The following OLA1 variants were observed in gnomAD, a reference collection of about 807,000 sequenced individuals.
OLA1 encodes obg-like ATPase 1.
In OLA1, 14 loss-of-function variants were observed where a neutral mutation model predicts 48.4. The observed-to-expected ratio is 0.29, with a 90% CI of 0.19 to 0.45. The LOEUF (loss-of-function observed/expected upper bound fraction) is 0.45, where lower values mean the gene tolerates loss of function less well. OLA1 is among the 20% of genes least tolerant of loss of function. The pLI is 1.00. For synonymous variants in OLA1, 127 were observed against 150.4 expected (o/e 0.84, Z 1.14); for missense variants, 325 against 467.1 (o/e 0.70, Z 2.80).
intron 4 of OLA1, among the ~76,000 whole-genome samples, chr2:174,150,890 G>A (rs750764425): frequency 9.9e-5 from 15 of 152,100 alleles, no homozygotes; most frequent in Non-Finnish European, 1.9e-4. Context: ...GTAGCAGCAA[G>A]GCCTTTAAAA....
At chr2:174,182,123 T>G (rs1574533640) in intron 4 of OLA1, among the ~76,000 whole-genome samples, 1 of 152,342 alleles carries the variant, frequency 6.6e-6, no homozygotes, top group Non-Finnish European at 1.5e-5. Context: ...GACCTAAATA[T>G]CCATCATTTA....
At chr2:174,190,400 CAT>C (rs1411153448) in intron 4 of OLA1, among the ~76,000 whole-genome samples, 2 of 152,090 alleles carry the variant, frequency 1.3e-5, no homozygotes, top group African/African-American at 4.8e-5. Context: ...CTCCATTTCA[CAT>C]ATGAGGAAAC....
chr2:174,150,815 C>A (rs1686727528), intron 4 of OLA1, among the ~76,000 whole-genome samples: 1 of 152,014 alleles, frequency 6.6e-6, no homozygotes, highest in Admixed American at 6.6e-5. Context: ...ACAAATTTAA[C>A]CTATTAAAAA....
intron 4 of OLA1, among the ~76,000 whole-genome samples, chr2:174,219,359 T>C (rs1303359121): frequency 6.6e-6 from 1 of 151,226 alleles, no homozygotes; most frequent in Non-Finnish European, 1.5e-5. Flanking sequence ...ATCAGTATCT[T>C]GGAAATATAG....
At chr2:174,151,277 T>C (rs1488544354) in intron 4 of OLA1, among the ~76,000 whole-genome samples, 2 of 152,114 alleles carry the variant, frequency 1.3e-5, no homozygotes, top group Non-Finnish European at 2.9e-5. Context: ...GAAAACAGGA[T>C]GAACAGTGCA....
chr2:174,095,807 T>C (rs886877919), intron 7 of OLA1, among the ~76,000 whole-genome samples: 1 of 152,046 alleles, frequency 6.6e-6, no homozygotes, highest in Non-Finnish European at 1.5e-5. Flanking sequence ...CCAGAATATA[T>C]AAAGAACTCT....
intron 7 of OLA1, among the ~76,000 whole-genome samples, chr2:174,100,125 T>TGTAGTA (rs1392006109): frequency 6.6e-6 from 1 of 152,168 alleles, no homozygotes; most frequent in Non-Finnish European, 1.5e-5. Context: ...GGGACCTGGA[T>TGTAGTA]CAATAATATG....
In OLA1 at chr2:174,173,335, C is replaced by T. The variant is rs370144937; in HGVS notation, c.374-31335G>A. Among the ~76,000 whole-genome samples the T allele has an allele frequency of 2.9e-5, 4 of 138,734 alleles. No homozygotes were observed. The South Asian group carries it at 9.8e-4, about 34-fold the overall frequency. The allele number at this position is 138,734 out of a possible 152,430, so 91.0% of individuals were successfully genotyped here. On this transcript the variant is annotated intron_variant, in intron 4 of 10. Coordinates refer to ENST00000284719, the MANE Select transcript of OLA1 (RefSeq NM_013341.5). ...GCTGAAGACCTTAAGTACTTGCTTT[C>T]GTCGAATGGTCAGATAACTAGAACT...
At chr2:174,212,695 A>T (rs1688270390) in intron 4 of OLA1, among the ~76,000 whole-genome samples, 1 of 151,968 alleles carries the variant, frequency 6.6e-6, no homozygotes, top group East Asian at 1.9e-4. Flanking sequence ...TTTAAATTTT[A>T]TTTTTATTTT....
intron 10 of OLA1, among the ~76,000 whole-genome samples, chr2:174,078,609 T>C (rs1192183060): frequency 6.6e-6 from 1 of 151,984 alleles, no homozygotes; most frequent in Admixed American, 6.6e-5. Context: ...GAAGTAATTA[T>C]AAGCATATAT....
rs1373667616 is a variant in OLA1, at chr2:174,229,293, T to C, written c.245+15A>G. On this transcript the variant is annotated intron_variant, in intron 3 of 10. Coordinates refer to ENST00000284719, the MANE Select transcript of OLA1 (RefSeq NM_013341.5). ...ACACAAAATCACCAAATAAATAGCA[T>C]AAAATATCTCTTACCTTGCTGGTTT... 1.9e-6 allele frequency: 3 copies of C among 1,610,280 alleles called. No homozygotes were observed. The highest frequency in any genetic ancestry group is 2.5e-6 in the Non-Finnish European group (3 of 1,179,036).
intron 4 of OLA1, among the ~76,000 whole-genome samples, chr2:174,179,557 T>G (rs1284792726): frequency 6.6e-6 from 1 of 151,988 alleles, no homozygotes; most frequent in African/African-American, 2.4e-5. Context: ...AGAAAAAGAC[T>G]CATGTGGGAT....
At chr2:174,246,903 AATTAAG>A in intron 1 of OLA1, 88 bp from the exon 2 acceptor site, 1 of 732,738 alleles carries the variant, frequency 1.4e-6, no homozygotes, top group Non-Finnish European at 2.3e-6. Flanking sequence ...TATATTATTG[AATTAAG>A]ATTAAGAACA....
chr2:174,118,234 T>C (rs1443084445), intron 7 of OLA1, among the ~76,000 whole-genome samples: 2 of 152,138 alleles, frequency 1.3e-5, no homozygotes, highest in African/African-American at 2.4e-5. Flanking sequence ...TAATTCAACA[T>C]GAGATTCGGG....
intron 4 of OLA1, among the ~76,000 whole-genome samples, chr2:174,211,450 C>T (rs528740332): frequency 6.6e-6 from 1 of 152,334 alleles, no homozygotes; most frequent in African/African-American, 2.4e-5. Context: ...TAACTCCATA[C>T]ATCACATCAT....
chr2:174,171,431 TA>T (rs902870526), intron 4 of OLA1, among the ~76,000 whole-genome samples: 1 of 152,058 alleles, frequency 6.6e-6, no homozygotes, highest in African/African-American at 2.4e-5. Context: ...CCCTATCTAT[TA>T]AAAAAAATTA....
chr2:174,247,451 T>C (rs909893352), intron 1 of OLA1, among the ~76,000 whole-genome samples: 2 of 152,190 alleles, frequency 1.3e-5, no homozygotes, highest in African/African-American at 4.8e-5. Context: ...CAATCTTCCA[T>C]CCAGACTGCT....
At chr2:174,133,216 T>A (rs1411911208) in intron 5 of OLA1, among the ~76,000 whole-genome samples, 1 of 152,208 alleles carries the variant, frequency 6.6e-6, no homozygotes, top group Non-Finnish European at 1.5e-5. Flanking sequence ...TTACAATGGT[T>A]CGTTCGATTT....
intron 7 of OLA1, among the ~76,000 whole-genome samples, chr2:174,104,953 A>G (rs561633326): frequency 1.8e-4 from 27 of 152,064 alleles, no homozygotes; most frequent in African/African-American, 6.5e-4. Flanking sequence ...CCTTCTCTGA[A>G]TAAATGATGC....
Sources: allele counts gnomAD v4.1 joint callset (sites outside exome capture counted in the v4.1 genomes callset), GRCh38; gene constraint gnomAD v4.1.1; transcripts MANE v1.5; gene names NCBI Gene and HGNC (gene_info 2026-07-23, HGNC 2026-07-21).